The following ULK4 variants were observed in gnomAD, a reference collection of about 807,000 sequenced individuals.
ULK4 encodes unc-51 like kinase 4.
In ULK4, 133 loss-of-function variants were observed where a neutral mutation model predicts 160.6. The observed-to-expected ratio is 0.83, with a 90% CI of 0.72 to 0.96. ULK4 has a LOEUF of 0.96. Among genes scored for constraint, ULK4 ranks in the 40% least tolerant of loss-of-function variants. The pLI is 0.00. For missense variants in ULK4, 1,580 were observed against 1,499.5 expected, an observed-to-expected ratio of 1.05 and a Z score of -0.89; for synonymous variants, 534 against 539.8, an observed-to-expected ratio of 0.99 and a Z score of 0.15.
intron 30 of ULK4, among the ~76,000 whole-genome samples, chr3:41,620,610 A>G (rs1312629672): frequency 1.3e-5 from 2 of 152,152 alleles, no homozygotes; most frequent in Non-Finnish European, 2.9e-5. Context: ...TTGATGGAAC[A>G]TATGTCAAAA....
chr3:41,709,062 T>C (rs1017619736), intron 25 of ULK4, among the ~76,000 whole-genome samples: 3 of 152,138 alleles, frequency 2.0e-5, no homozygotes, highest in African/African-American at 7.2e-5. Context: ...TACAAATGCA[T>C]CTATATGAAT....
intron 34 of ULK4, among the ~76,000 whole-genome samples, chr3:41,445,278 C>T (rs540491491): frequency 6.4e-4 from 98 of 152,194 alleles, no homozygotes; most frequent in African/African-American, 2.0e-3. Flanking sequence ...GAATCAATAT[C>T]GTGAAAATGG....
At position 41,586,844 on chromosome 3, in the gene ULK4, T is replaced by A. The variant is rs73830273; in HGVS notation, c.3121-20714A>T. Among the ~76,000 whole-genome samples the A allele has an allele frequency of 3.3e-3, 505 of 152,228 alleles. 3 individuals are homozygous for A. Among genetic ancestry groups the A allele is most frequent in the African/African-American group, 0.012 (482 of 41,550 alleles). ...ACTATCAATGTGAATTTATTCAAAT[T>A]AACTGTAAAAAATCATTTAAAAGAC... On this transcript the variant is annotated intron_variant, in intron 31 of 36. Coordinates refer to ENST00000301831, the MANE Select transcript of ULK4 (RefSeq NM_017886.4).
intron 35 of ULK4, among the ~76,000 whole-genome samples, chr3:41,274,846 A>T (rs1375567475): frequency 6.6e-6 from 1 of 152,298 alleles, no homozygotes; most frequent in Non-Finnish European, 1.5e-5. Flanking sequence ...TTCATGTACC[A>T]AGGACTTCTA....
intron 34 of ULK4, among the ~76,000 whole-genome samples, chr3:41,412,645 C>T (rs2082432791): frequency 6.8e-6 from 1 of 147,138 alleles, no homozygotes; most frequent in East Asian, 2.0e-4. Context: ...AATGCAACCT[C>T]TGCCTCCCAG....
intron 35 of ULK4, among the ~76,000 whole-genome samples, chr3:41,306,275 T>C (rs1235131057): frequency 1.6e-4 from 18 of 112,172 alleles, no homozygotes; most frequent in African/African-American, 6.7e-4. Flanking sequence ...GAGGGGCGCC[T>C]CTGCCCGGCC....
intron 32 of ULK4, among the ~76,000 whole-genome samples, chr3:41,508,884 A>G (rs887063871): frequency 6.6e-6 from 1 of 152,070 alleles, no homozygotes; most frequent in Admixed American, 6.5e-5. Context: ...GGAACCAGAA[A>G]AACAATTCTG....
chr3:41,935,991 G>T, intron 3 of ULK4, 51 bp from the exon 4 acceptor site: 1 of 1,513,148 alleles, frequency 6.6e-7, no homozygotes, highest in Non-Finnish European at 8.9e-7. Context: ...CCATCACAGA[G>T]TGCCCCTGAG....
intron 30 of ULK4, among the ~76,000 whole-genome samples, chr3:41,659,558 C>T (rs2035071837): frequency 6.6e-6 from 1 of 151,956 alleles, no homozygotes; most frequent in South Asian, 2.1e-4. Flanking sequence ...ACAATGGCAA[C>T]ATTGCAAAGT....
At chr3:41,941,252 G>A (rs958615040) in intron 2 of ULK4, among the ~76,000 whole-genome samples, 50 of 146,612 alleles carry the variant, frequency 3.4e-4, no homozygotes, top group African/African-American at 1.2e-3. Flanking sequence ...TGCCCAAGTT[G>A]GTCTTGAACT....
At chr3:41,894,759 A>C (rs2148784817) in intron 16 of ULK4, among the ~76,000 whole-genome samples, 1 of 152,322 alleles carries the variant, frequency 6.6e-6, no homozygotes, top group Non-Finnish European at 1.5e-5. Flanking sequence ...ATCCACACCC[A>C]GGTCTGTCTG....
chr3:41,473,668 A>G (rs1449045025), intron 32 of ULK4, among the ~76,000 whole-genome samples: 13 of 150,096 alleles, frequency 8.7e-5, no homozygotes, highest in Admixed American at 7.9e-4. Context: ...TCTCAAAGAA[A>G]AAAAAAAAAA....
intron 35 of ULK4, among the ~76,000 whole-genome samples, chr3:41,333,374 A>G (rs2080487274): frequency 6.6e-6 from 1 of 152,220 alleles, no homozygotes; most frequent in African/African-American, 2.4e-5. Context: ...ATTCCTTTCA[A>G]CAGAGACATA....
intron 32 of ULK4, among the ~76,000 whole-genome samples, chr3:41,546,549 A>C (rs535724545): frequency 6.6e-6 from 1 of 152,202 alleles, no homozygotes; most frequent in Non-Finnish European, 1.5e-5. Flanking sequence ...GGCCTAACGT[A>C]ATCTTGCTCT....
At chr3:41,371,527 A>C (rs555160123) in intron 35 of ULK4, among the ~76,000 whole-genome samples, 224 of 152,298 alleles carry the variant, frequency 1.5e-3, no homozygotes, top group Non-Finnish European at 4.9e-4. Flanking sequence ...ACCCCCAGCA[A>C]ACTCCTGCTG....
intron 31 of ULK4, among the ~76,000 whole-genome samples, chr3:41,581,383 TAAC>T: frequency 1.3e-5 from 2 of 152,184 alleles, no homozygotes; most frequent in South Asian, 4.2e-4. Flanking sequence ...AACATAAAAA[TAAC>T]AAGAGGTTTT....
intron 34 of ULK4, among the ~76,000 whole-genome samples, chr3:41,437,690 A>G (rs1040765564): frequency 6.6e-6 from 1 of 152,260 alleles, no homozygotes; most frequent in African/African-American, 2.4e-5. Flanking sequence ...AAATTAAAAT[A>G]AGAATGATCT....
chr3:41,935,699 A>G, intron 4 of ULK4, 102 bp downstream of exon 4: 1 of 1,361,506 alleles, frequency 7.3e-7, no homozygotes, highest in Non-Finnish European at 9.8e-7. Flanking sequence ...AAATTTCAAG[A>G]TATTCTATAC....
intron 34 of ULK4, among the ~76,000 whole-genome samples, chr3:41,418,518 T>C (rs559920940): frequency 6.2e-4 from 94 of 152,342 alleles, no homozygotes; most frequent in African/African-American, 2.2e-3. Flanking sequence ...CAGTTCAGTA[T>C]ATAAGTGACT....
Sources: allele counts gnomAD v4.1 joint callset (sites outside exome capture counted in the v4.1 genomes callset), GRCh38; gene constraint gnomAD v4.1.1; transcripts MANE v1.5; gene names NCBI Gene and HGNC (gene_info 2026-07-23, HGNC 2026-07-21).